The following FRMD3 variants were observed in gnomAD, a reference collection of about 807,000 sequenced individuals.
The protein encoded by FRMD3 is FERM domain containing 3, also known as FERM domain-containing protein 3.
FRMD3 carries 33 observed loss-of-function variants against 70.2 expected under a neutral mutation model. That is an observed-to-expected ratio of 0.47 (90% confidence interval 0.36 to 0.63). The LOEUF (loss-of-function observed/expected upper bound fraction) is 0.63. FRMD3 is among the 20% of genes least tolerant of loss of function. The pLI is 0.00. For synonymous variants in FRMD3, 279 were observed against 255.9 expected (o/e 1.09, Z -0.86); for missense variants, 632 against 711.4 (o/e 0.89, Z 1.27).
chr9:83,412,938 T>C (rs1041023594), intron 1 of FRMD3, among the ~76,000 whole-genome samples: 1 of 151,644 alleles, frequency 6.6e-6, no homozygotes, highest in Non-Finnish European at 1.5e-5. Context: ...GAGGTTGCAG[T>C]GAGCCGAGAT....
At chr9:83,452,643 A>G (rs1183626642) in intron 1 of FRMD3, among the ~76,000 whole-genome samples, 8 of 151,424 alleles carry the variant, frequency 5.3e-5, no homozygotes, top group African/African-American at 1.7e-4. Context: ...CACCGCACCC[A>G]GCTAATTTTT....
intron 1 of FRMD3, among the ~76,000 whole-genome samples, chr9:83,463,023 T>TA (rs1490223720): frequency 1.3e-5 from 2 of 152,196 alleles, no homozygotes; most frequent in Non-Finnish European, 2.9e-5. Flanking sequence ...AGAAATACCC[T>TA]AATCTTGCTA....
intron 1 of FRMD3, among the ~76,000 whole-genome samples, chr9:83,437,113 A>G (rs72745086): frequency 0.025 from 3,857 of 152,328 alleles, 75 homozygotes; most frequent in Non-Finnish European, 0.04. Flanking sequence ...CTTGTCTATC[A>G]AAGTCACATA....
the FRMD3 span, among the ~76,000 whole-genome samples, chr9:83,568,395 C>T: frequency 2.6e-5 from 4 of 152,064 alleles, no homozygotes; most frequent in African/African-American, 9.7e-5. Context: ...TTGGGGAGAT[C>T]AAAATAATAT....
At chr9:83,359,711 T>C (rs1402702002) in intron 3 of FRMD3, among the ~76,000 whole-genome samples, 1 of 152,120 alleles carries the variant, frequency 6.6e-6, no homozygotes, top group African/African-American at 2.4e-5. Flanking sequence ...TTTTCAACCA[T>C]TTAAAAATGT....
downstream of FRMD3, chr9:83,243,194 G>A (rs1339501201): frequency 1.3e-6 from 2 of 1,550,204 alleles, no homozygotes; most frequent in East Asian, 4.9e-5. Context: ...AGGTTCTGCT[G>A]GGTCTGTTTA....
chr9:83,409,358 G>T (rs1374265154), intron 1 of FRMD3, among the ~76,000 whole-genome samples: 1 of 148,924 alleles, frequency 6.7e-6, no homozygotes, highest in African/African-American at 2.6e-5. Flanking sequence ...TTATCAAACT[G>T]GTCTTTTATT....
intron 2 of FRMD3, among the ~76,000 whole-genome samples, chr9:83,383,249 G>C (rs552809172): frequency 1.2e-4 from 19 of 152,212 alleles, no homozygotes; most frequent in Non-Finnish European, 2.4e-4. Context: ...GAATCTCCCA[G>C]CTGAGCCCTG....
intron 8 of FRMD3, among the ~76,000 whole-genome samples, chr9:83,311,324 C>T (rs536867062): frequency 2.1e-4 from 32 of 152,086 alleles, no homozygotes; most frequent in African/African-American, 7.0e-4. Context: ...AAATCCTTCC[C>T]GGCATTTAAG....
intron 1 of FRMD3, among the ~76,000 whole-genome samples, chr9:83,503,792 G>T (rs1026264254): frequency 6.6e-6 from 1 of 152,220 alleles, no homozygotes; most frequent in Admixed American, 6.5e-5. Context: ...CAGCCAAGTG[G>T]GCCAGATGAG....
intron 13 of FRMD3, among the ~76,000 whole-genome samples, chr9:83,266,588 T>C (rs1351494425): frequency 6.6e-6 from 1 of 152,144 alleles, no homozygotes; most frequent in Non-Finnish European, 1.5e-5. Flanking sequence ...AAAGTGGTGC[T>C]CCGCCTCACC....
chr9:83,275,605 A>G (rs1833769586), intron 13 of FRMD3, among the ~76,000 whole-genome samples: 1 of 152,214 alleles, frequency 6.6e-6, no homozygotes, highest in African/African-American at 2.4e-5. Flanking sequence ...ATCAAGCACC[A>G]TATACTGTGA....
chr9:83,407,837 GTCTCTCTCTCTCTC>G (rs761983764), intron 1 of FRMD3, among the ~76,000 whole-genome samples: 11 of 103,600 alleles, frequency 1.1e-4, no homozygotes, highest in Admixed American at 3.2e-4. Context: ...GGGTTGTTGA[GTCTCTCTCTCTCTC>G]TCTCTCTCTC....
At chr9:83,548,663 A>G in the FRMD3 span, among the ~76,000 whole-genome samples, 5 of 152,180 alleles carry the variant, frequency 3.3e-5, no homozygotes, top group Non-Finnish European at 7.4e-5. Context: ...ACCTAACATT[A>G]TGCATTTGTC....
chr9:83,307,883 G>T (rs1835196005), intron 10 of FRMD3, among the ~76,000 whole-genome samples: 1 of 152,120 alleles, frequency 6.6e-6, no homozygotes, highest in African/African-American at 2.4e-5. Context: ...AAGACTGAGA[G>T]CATCAAACCC....
chr9:83,269,853 T>C (rs1833471531), intron 13 of FRMD3, among the ~76,000 whole-genome samples: 1 of 152,268 alleles, frequency 6.6e-6, no homozygotes, highest in East Asian at 1.9e-4. Context: ...CTCTTTACGC[T>C]ACTTTTCAGA....
At chr9:83,544,634 A>C in the FRMD3 span, among the ~76,000 whole-genome samples, 1 of 152,350 alleles carries the variant, frequency 6.6e-6, no homozygotes, top group East Asian at 1.9e-4. Context: ...TGGCTGACTC[A>C]GTGTACAGCA....
At chr9:83,384,805 A>T (rs1003182078) in intron 2 of FRMD3, among the ~76,000 whole-genome samples, 1 of 152,226 alleles carries the variant, frequency 6.6e-6, no homozygotes, top group African/African-American at 2.4e-5. Flanking sequence ...AAAATCAGAA[A>T]AGTCAACAAC....
intron 7 of FRMD3, among the ~76,000 whole-genome samples, chr9:83,312,660 T>C (rs889638850): frequency 4.6e-5 from 7 of 152,160 alleles, no homozygotes; most frequent in African/African-American, 1.7e-4. Flanking sequence ...AGGATGTAAA[T>C]GCTAGTATGG....
Sources: gnomAD v4.1 joint callset for allele counts (sites outside exome capture counted in the v4.1 genomes callset) on GRCh38, gnomAD v4.1.1 for gene constraint, MANE v1.5 for transcripts, NCBI Gene and HGNC (gene_info 2026-07-23, HGNC 2026-07-21) for gene names.